Variants in SLC2A9 observed in about 807,000 individuals in gnomAD.
SLC2A9 encodes solute carrier family 2 member 9.
In SLC2A9, 39 loss-of-function variants were observed where a neutral mutation model predicts 50.6. The ratio of observed to expected loss-of-function variants is 0.77; its 90% confidence interval spans 0.60 to 1.01. The LOEUF (loss-of-function observed/expected upper bound fraction) is 1.01, where lower values mean the gene tolerates loss of function less well. SLC2A9 is among the 50% of genes least tolerant of loss of function. SLC2A9 has a pLI of 0.00. For synonymous variants in SLC2A9, 324 were observed against 276.9 expected, an observed-to-expected ratio of 1.17 and a Z score of -1.69; for missense variants, 686 against 677.6, an observed-to-expected ratio of 1.01 and a Z score of -0.14.
At chr4:9,998,057 A>G (rs1759042840) in intron 2 of SLC2A9, among the ~76,000 whole-genome samples, 1 of 152,250 alleles carries the variant, frequency 6.6e-6, no homozygotes. Context: ...ATTAGTCAAC[A>G]GAGAAATGAG....
intron 10 of SLC2A9, chr4:9,879,979 C>T: frequency 1.0e-6 from 1 of 985,460 alleles, no homozygotes; most frequent in Non-Finnish European, 1.2e-6. Flanking sequence ...CTGTTCCTCA[C>T]AGAAGCTGCC....
intron 3 of SLC2A9, among the ~76,000 whole-genome samples, chr4:9,989,587 A>G (rs1259136168): frequency 6.6e-6 from 1 of 151,844 alleles, no homozygotes; most frequent in Non-Finnish European, 1.5e-5. Context: ...CCTGGTGCAA[A>G]CCATGTCCTC....
chr4:9,880,284 T>C (rs116492548), intron 10 of SLC2A9: 1 of 985,518 alleles, frequency 1.0e-6, no homozygotes, highest in African/African-American at 1.7e-5. Flanking sequence ...GCTAAAGTCA[T>C]TGCTAGCCAG....
At position 10,021,361 on chromosome 4, in the gene SLC2A9, G is replaced by A. The variant is rs749006941; in HGVS notation, c.69C>T (p.His23=). 1.9e-5 allele frequency: 31 copies of A among 1,614,246 alleles called. No homozygotes were observed. The highest frequency in any genetic ancestry group is 1.8e-4 in the Admixed American group (11 of 60,028). Residue 23 remains histidine, a synonymous_variant, in exon 1 of 12, where the codon CAC becomes CAT. Transcript: ENST00000264784. ...GLVPLTDDTS[H]AGPPGPGRAL... ...CCCTCCCTGGCCCTGGAGGCCCGGC[G>A]TGGCTGGTGTCATCTGTGAGGGGAA...
At chr4:9,806,282 A>G (rs1459658507) in intron 3 of SLC2A9, among the ~76,000 whole-genome samples, 1 of 152,262 alleles carries the variant, frequency 6.6e-6, no homozygotes, top group East Asian at 1.9e-4. Context: ...TGGTCCACGC[A>G]GGGAAAACCG....
downstream of SLC2A9, among the ~76,000 whole-genome samples, chr4:9,778,173 G>A (rs1489309580): frequency 8.0e-5 from 12 of 150,876 alleles, no homozygotes; most frequent in Non-Finnish European, 1.0e-4. Context: ...GCAGTGGTGC[G>A]ATCTCGGCTC....
intron 1 of SLC2A9, among the ~76,000 whole-genome samples, chr4:10,037,794 C>T (rs1232616542): frequency 2.6e-5 from 4 of 151,842 alleles, no homozygotes; most frequent in African/African-American, 9.7e-5. Flanking sequence ...ACTAAAAACA[C>T]ACAAAAAATT....
chr4:9,996,963 T>G, intron 2 of SLC2A9, 22 bp from the exon 3 acceptor site: 1 of 1,613,112 alleles, frequency 6.2e-7, no homozygotes, highest in Non-Finnish European at 8.5e-7. Context: ...CAACAAACCA[T>G]GTTATTTCCT....
chr4:9,860,527 G>A (rs928511855), intron 10 of SLC2A9, among the ~76,000 whole-genome samples: 3 of 152,252 alleles, frequency 2.0e-5, no homozygotes, highest in Non-Finnish European at 4.4e-5. Flanking sequence ...GAACTGATGA[G>A]CTGAAACCCT....
upstream of SLC2A9, chr4:10,025,757 C>T: frequency 1.4e-6 from 1 of 704,480 alleles, no homozygotes; most frequent in Non-Finnish European, 2.5e-6. Flanking sequence ...GGCTCCTTCC[C>T]ATAGAACTTG....
At chr4:9,791,756 T>C (rs9685427) in intron 3 of SLC2A9, among the ~76,000 whole-genome samples, 55,268 of 151,824 alleles carry the variant, frequency 0.36, 10,362 homozygotes, top group East Asian at 0.55. Context: ...CAGTTGAGCC[T>C]TCAGATGAGA....
At chr4:9,973,107 G>T (rs1334875955) in intron 5 of SLC2A9, among the ~76,000 whole-genome samples, 1 of 152,056 alleles carries the variant, frequency 6.6e-6, no homozygotes. Flanking sequence ...AAATGATGAA[G>T]GTGACATTAT....
At position 9,941,920 on chromosome 4, in the gene SLC2A9, A is replaced by T; in HGVS notation, c.807T>A (p.Ala269=). Residue 269 remains alanine (A), a synonymous_variant, in exon 6 of 12, where the codon GCT becomes GCA. Coordinates refer to ENST00000264784, the MANE Select transcript of SLC2A9 (RefSeq NM_020041.3). ...AAAGGGAAGGGCCCTCACCTTTCAC[A>T]GCTCTTGCCTCGTTGTGCTTCTCCA... ...LLLEKHNEAR[A]VKAFQTFLGK... is the part of the protein sequence containing the mutation. The T allele has an allele frequency of 6.2e-7, 1 of 1,614,060 alleles. No homozygotes were observed.
chr4:9,891,389 A>T (rs1737401517), intron 8 of SLC2A9, among the ~76,000 whole-genome samples: 4 of 152,202 alleles, frequency 2.6e-5, no homozygotes, highest in African/African-American at 7.2e-5. Flanking sequence ...GAGACAGGAA[A>T]ACCTGGGTTT....
chr4:9,916,321 C>T (rs767151288), intron 7 of SLC2A9, among the ~76,000 whole-genome samples: 18 of 152,328 alleles, frequency 1.2e-4, no homozygotes, highest in Admixed American at 3.9e-4. Flanking sequence ...GGTGAGCACC[C>T]AGAACCAATG....
chr4:9,781,778 C>G, intron 3 of SLC2A9: 1 of 408,168 alleles, frequency 2.4e-6, no homozygotes, highest in Non-Finnish European at 4.3e-6. Flanking sequence ...TGTCAGCGAG[C>G]ACCAGCCGCT....
At chr4:9,902,759 G>C (rs914872351) in intron 8 of SLC2A9, among the ~76,000 whole-genome samples, 1 of 152,150 alleles carries the variant, frequency 6.6e-6, no homozygotes, top group African/African-American at 2.4e-5. Context: ...ATTGGATTAG[G>C]GGCCCACCCT....
intron 3 of SLC2A9, 58 bp downstream of exon 3, chr4:9,996,723 A>T: frequency 1.9e-6 from 3 of 1,594,320 alleles, no homozygotes; most frequent in Non-Finnish European, 2.6e-6. Flanking sequence ...CCTGACAATG[A>T]CACAGATATA....
At chr4:9,849,592 G>T (rs1729530680) in intron 10 of SLC2A9, among the ~76,000 whole-genome samples, 1 of 152,230 alleles carries the variant, frequency 6.6e-6, no homozygotes, top group African/African-American at 2.4e-5. Context: ...ATCCTGGACT[G>T]TCTGGGGGAG....
Sources: allele counts gnomAD v4.1 joint callset (sites outside exome capture counted in the v4.1 genomes callset), GRCh38; gene constraint gnomAD v4.1.1; transcripts MANE v1.5; gene names NCBI Gene and HGNC (gene_info 2026-07-23, HGNC 2026-07-21).